The following MDFI variants were observed in gnomAD, a reference collection of about 807,000 sequenced individuals.
The protein encoded by MDFI is MyoD family inhibitor.
MDFI carries 16 observed loss-of-function variants against 22.3 expected under a neutral mutation model. That is an observed-to-expected ratio of 0.72 (90% CI 0.49 to 1.09). MDFI has a LOEUF of 1.09. Ranked by LOEUF, MDFI falls within the 50% of genes least tolerant of loss-of-function variation. MDFI has a pLI of 0.00. For missense variants in MDFI, 314 were observed against 326.1 expected (o/e 0.96, Z 0.29); for synonymous variants, 145 against 142.7 (o/e 1.02, Z -0.12).
At chr6:41,640,622 C>A (rs73418070) in intron 2 of MDFI, among the ~76,000 whole-genome samples, 1 of 152,254 alleles carries the variant, frequency 6.6e-6, no homozygotes, top group Non-Finnish European at 1.5e-5. Context: ...GAATCCCCCA[C>A]GCTTTACTCC....
chr6:41,639,849 C>T (rs917423123), intron 2 of MDFI: 2 of 985,332 alleles, frequency 2.0e-6, no homozygotes, highest in African/African-American at 3.5e-5. Context: ...CTGGCCTGAG[C>T]CTCCACATGC....
Position 41,646,125 on chromosome 6 carries a change from G to T in MDFI, c.77-1G>T. 1 of 1,502,116 alleles carries T rather than the reference G, an allele frequency of 6.7e-7. No individual in the cohort carries two copies. 93.0% of individuals were successfully genotyped at this position (1,502,116 alleles called of 1,614,324 possible). On this transcript the variant is annotated splice_acceptor_variant, in intron 2 of 4. Coordinates refer to ENST00000230321, the MANE Select transcript of MDFI (RefSeq NM_005586.4). LOFTEE classifies it high-confidence loss of function. ...ACCTCAGTCATCTGCTTTTTTCCTA[G>T]CCCAGACCCTATCCCTCCTTCCTGG... is the stretch of plus-strand genomic sequence containing the variant.
At chr6:41,639,164 A>C in intron 2 of MDFI, 1 of 873,668 alleles carries the variant, frequency 1.1e-6, no homozygotes, top group Middle Eastern at 5.8e-4. Context: ...GTTTCTGCCC[A>C]GTGTGTAAAT....
At chr6:41,642,934 TCCAGGCTCCTTAAA>T (rs1051553508) in intron 2 of MDFI, among the ~76,000 whole-genome samples, 1 of 152,082 alleles carries the variant, frequency 6.6e-6, no homozygotes, top group African/African-American at 2.4e-5. Flanking sequence ...AGATGTGAAC[TCCAGGCTCCTTAAA>T]CCCTCTTCCT....
chr6:41,648,227 TCTAACA>T (rs1283681723), intron 3 of MDFI, among the ~76,000 whole-genome samples: 1 of 152,020 alleles, frequency 6.6e-6, no homozygotes, highest in Non-Finnish European at 1.5e-5. Context: ...GCTCCTAATC[TCTAACA>T]CTTGCTAGCT....
chr6:41,637,636 G>T (rs1160017721), upstream of MDFI, among the ~76,000 whole-genome samples: 1 of 152,084 alleles, frequency 6.6e-6, no homozygotes, highest in African/African-American at 2.4e-5. The surrounding 1 kb of genome is among the most constrained non-coding windows in gnomAD (Gnocchi z 6.8). Flanking sequence ...CTCTTGGACT[G>T]CCTGGCAGCG....
At position 41,647,663 on chromosome 6, in the gene MDFI, C is replaced by G. The variant is rs564609514; in HGVS notation, c.259+1355C>G. Among the ~76,000 whole-genome samples the G allele has an allele frequency of 4.4e-3, 665 of 150,264 alleles. 1 individual carries two copies. Among genetic ancestry groups the G allele is most frequent in the Non-Finnish European group, 7.6e-3 (512 of 67,508 alleles). On this transcript the variant is annotated intron_variant, in intron 3 of 4. Coordinates refer to ENST00000230321, the MANE Select transcript of MDFI (RefSeq NM_005586.4). Reference sequence around the variant, plus strand: ...TCTTCATGCCCTCCCCACTCCACTTCCCAGCTAGAGGACCTTTGGCAAGTT... The same window carrying G: ...TCTTCATGCCCTCCCCACTCCACTTGCCAGCTAGAGGACCTTTGGCAAGTT...
chr6:41,638,994 G>C lies in MDFI; in HGVS notation c.76+169G>C, dbSNP rs556924465. ...GAGGACTTGGTCCAAGGAGAGTAGGGGGCTGGGCGAGGGAGGCAGGGCCCT... is the reference window on the plus strand; with the variant it reads ...GAGGACTTGGTCCAAGGAGAGTAGGCGGCTGGGCGAGGGAGGCAGGGCCCT... On this transcript the variant is annotated intron_variant, in intron 2 of 4. Transcript: ENST00000230321. This position sits in a 1 kb window ranked among gnomAD's most constrained non-coding sequence, Gnocchi z 7.6. Among the ~76,000 whole-genome samples the C allele has an allele frequency of 2.0e-5, 3 of 152,292 alleles. No individual in the cohort carries two copies. Among genetic ancestry groups the C allele is most frequent in the African/African-American group, 4.8e-5 (2 of 41,562 alleles).
At chr6:41,637,371 AC>A (rs1299806956), upstream of MDFI, 2 of 151,562 alleles carry the variant, frequency 1.3e-5, no homozygotes, top group Non-Finnish European at 2.9e-5. This position sits in a 1 kb window ranked among gnomAD's most constrained non-coding sequence, Gnocchi z 6.8. Flanking sequence ...ACCCGGCTGG[AC>A]TCGGGACTAG....
chr6:41,643,195 G>C (rs1581830414), intron 2 of MDFI, among the ~76,000 whole-genome samples: 1 of 152,098 alleles, frequency 6.6e-6, no homozygotes, highest in Non-Finnish European at 1.5e-5. Context: ...CGGCTCACTC[G>C]GGGGTCTTGA....
intron 2 of MDFI, among the ~76,000 whole-genome samples, chr6:41,645,710 G>A (rs897055186): frequency 5.9e-5 from 9 of 152,118 alleles, no homozygotes; most frequent in African/African-American, 2.2e-4. Flanking sequence ...CTCGCAGTCC[G>A]ATGCTCTATC....
chr6:41,639,629 A>C, intron 2 of MDFI: 4 of 985,402 alleles, frequency 4.1e-6, no homozygotes, highest in Non-Finnish European at 4.8e-6. Flanking sequence ...AGAAGTCAGG[A>C]ACCTCTGGGA....
chr6:41,649,560 C>G, intron 3 of MDFI, 59 bp from the exon 4 acceptor site: 5 of 1,439,586 alleles, frequency 3.5e-6, no homozygotes, highest in Non-Finnish European at 3.8e-6. Context: ...TCGAGCATAG[C>G]TCTGGGGGCC....
chr6:41,640,920 T>C (rs771883008), intron 2 of MDFI, among the ~76,000 whole-genome samples: 3 of 152,232 alleles, frequency 2.0e-5, no homozygotes, highest in Non-Finnish European at 4.4e-5. Flanking sequence ...TGGTTCTAAA[T>C]TGAATTTCCT....
intron 2 of MDFI, among the ~76,000 whole-genome samples, chr6:41,640,102 C>A (rs1032110534): frequency 6.6e-6 from 1 of 152,216 alleles, no homozygotes; most frequent in Non-Finnish European, 1.5e-5. Flanking sequence ...GCAGGATGAG[C>A]GCCTCCAAGA....
At chr6:41,646,617 G>A (rs1038958867) in intron 3 of MDFI, among the ~76,000 whole-genome samples, 10 of 152,128 alleles carry the variant, frequency 6.6e-5, no homozygotes, top group African/African-American at 1.2e-4. Flanking sequence ...GCTGGGGTCC[G>A]GCAGGGAGCC....
chr6:41,648,175 C>G (rs990491411), intron 3 of MDFI, among the ~76,000 whole-genome samples: 4 of 152,130 alleles, frequency 2.6e-5, no homozygotes, highest in Non-Finnish European at 4.4e-5. Context: ...CGCTTGTCTC[C>G]CAGCCTCTGC....
In MDFI at chr6:41,646,224, AC is replaced by A. The variant is rs1768046967; in HGVS notation, c.180del (p.Met61CysfsTer25). On this transcript the variant is annotated frameshift_variant, in exon 3 of 5. Coordinates refer to ENST00000230321, the MANE Select transcript of MDFI (RefSeq NM_005586.4). LOFTEE classifies it high-confidence loss of function. The stretch of plus-strand genomic sequence containing the variant: ...GGAGGGCTCCCTGGAGGAGGCGGCA[AC>A]CCCCATGCCCCAAGGCAATGGCCCT... ...PEEGSLEEAA[T>X]PMPQGNGPGI... is the part of the protein sequence containing the mutation. The A allele has an allele frequency of 6.3e-7, 1 of 1,591,594 alleles. No homozygotes were observed. Among genetic ancestry groups the A allele is most frequent in the South Asian group, 1.1e-5 (1 of 87,594 alleles).
chr6:41,645,897 G>GCA (rs1450120919), intron 2 of MDFI, among the ~76,000 whole-genome samples: 3 of 152,124 alleles, frequency 2.0e-5, no homozygotes, highest in Non-Finnish European at 4.4e-5. Flanking sequence ...ATGCACACGT[G>GCA]CACACACTCA....
Sources: gnomAD v4.1 joint callset for allele counts (sites outside exome capture counted in the v4.1 genomes callset) on GRCh38, gnomAD v4.1.1 for gene constraint, Gnocchi (gnomAD v3.1) non-coding constraint, MANE v1.5 for transcripts, NCBI Gene and HGNC (gene_info 2026-07-23, HGNC 2026-07-21) for gene names.